Variants in RAB6B observed in about 807,000 individuals in gnomAD.
RAB6B encodes RAB6B, member RAS oncogene family.
Under a neutral mutation model 31.2 loss-of-function variants are expected in RAB6B, and 7 were observed. That is an observed-to-expected ratio of 0.22 (90% CI 0.13 to 0.42). The LOEUF is 0.42. Among genes scored for constraint, RAB6B ranks in the 10% least tolerant of loss-of-function variants. RAB6B has a pLI of 1.00. For synonymous variants in RAB6B, 105 were observed against 104.9 expected (o/e 1.00, Z -0.01); for missense variants, 149 against 280.6 (o/e 0.53, Z 3.35).
chr3:133,864,853 C>T (rs1196123879), intron 1 of RAB6B, among the ~76,000 whole-genome samples: 1 of 152,206 alleles, frequency 6.6e-6, no homozygotes, highest in Non-Finnish European at 1.5e-5. Flanking sequence ...GCTGTTCCTG[C>T]CAGGCACCAG....
intron 6 of RAB6B, among the ~76,000 whole-genome samples, chr3:133,835,115 G>A: frequency 6.6e-6 from 1 of 152,228 alleles, no homozygotes; most frequent in Admixed American, 6.5e-5. Flanking sequence ...GCGAACAGCA[G>A]GGCCAGGGCT....
intron 2 of RAB6B, among the ~76,000 whole-genome samples, chr3:133,853,201 A>G (rs1936026500): frequency 6.6e-6 from 1 of 152,172 alleles, no homozygotes; most frequent in Non-Finnish European, 1.5e-5. Context: ...AGGTCACCAC[A>G]GGCCACAGTG....
intron 1 of RAB6B, among the ~76,000 whole-genome samples, chr3:133,882,268 G>C (rs893194175): frequency 2.6e-5 from 4 of 152,168 alleles, no homozygotes; most frequent in Non-Finnish European, 5.9e-5. Flanking sequence ...TCATGGGAGG[G>C]ACTATCCCAT....
At chr3:133,842,442 A>G (rs1935849639) in intron 2 of RAB6B, among the ~76,000 whole-genome samples, 1 of 152,250 alleles carries the variant, frequency 6.6e-6, no homozygotes, top group South Asian at 2.1e-4. Context: ...GATGCTGTCA[A>G]TGTAAAATGG....
intron 2 of RAB6B, among the ~76,000 whole-genome samples, chr3:133,860,662 A>G (rs1936148013): frequency 6.6e-6 from 1 of 152,118 alleles, no homozygotes; most frequent in African/African-American, 2.4e-5. Flanking sequence ...GGAGGCAGCC[A>G]CTCTGTTCCC....
intron 1 of RAB6B, among the ~76,000 whole-genome samples, chr3:133,878,983 C>T (rs1460165641): frequency 6.6e-6 from 1 of 152,186 alleles, no homozygotes; most frequent in Non-Finnish European, 1.5e-5. Context: ...ATGGGGTCAG[C>T]ATGTGCACTA....
At chr3:133,839,989 C>T (rs1935797764) in intron 4 of RAB6B, among the ~76,000 whole-genome samples, 1 of 149,044 alleles carries the variant, frequency 6.7e-6, no homozygotes. Flanking sequence ...TGTGTGCATA[C>T]ACACACACAC....
chr3:133,857,699 C>T lies in RAB6B; in HGVS notation c.129+6885G>A, dbSNP rs1287132057. 2.0e-5 allele frequency among the ~76,000 whole-genome samples: 3 copies of T among 152,230 alleles called. No homozygotes were observed. The East Asian group carries it at 5.8e-4, about 29-fold the overall frequency. On this transcript the variant is annotated intron_variant, in intron 2 of 7. Coordinates refer to ENST00000285208, the MANE Select transcript of RAB6B (RefSeq NM_016577.4). ...TCTCTCACAGGCTGGCCTGATAGAA[C>T]AGCCATTTGCAAGCATTTTGGCTGT...
chr3:133,877,229 G>C (rs1348395872), intron 1 of RAB6B, among the ~76,000 whole-genome samples: 2 of 152,250 alleles, frequency 1.3e-5, no homozygotes, highest in Non-Finnish European at 2.9e-5. Flanking sequence ...ATACCAGAGA[G>C]AGGGAGATGC....
intron 2 of RAB6B, among the ~76,000 whole-genome samples, chr3:133,861,527 T>C (rs1936161303): frequency 6.6e-6 from 1 of 152,034 alleles, no homozygotes; most frequent in South Asian, 2.1e-4. Context: ...CCCCTCAGGG[T>C]CTCCTGCATG....
At chr3:133,862,244 C>T (rs1410691374) in intron 2 of RAB6B, among the ~76,000 whole-genome samples, 3 of 152,128 alleles carry the variant, frequency 2.0e-5, no homozygotes, top group East Asian at 1.9e-4. Context: ...GTCTAAAACC[C>T]GAGGCCAACT....
intron 2 of RAB6B, among the ~76,000 whole-genome samples, chr3:133,852,684 GC>G (rs35668256): frequency 0.22 from 33,139 of 151,950 alleles, 4,494 homozygotes; most frequent in Middle Eastern, 0.34. Flanking sequence ...TCACCATGTT[GC>G]CCAGGCTGGT....
intron 2 of RAB6B, among the ~76,000 whole-genome samples, chr3:133,853,497 C>G (rs1291553812): frequency 4.6e-5 from 7 of 151,522 alleles, no homozygotes; most frequent in Admixed American, 4.6e-4. Context: ...CCTGTCAATG[C>G]TCCCCAGGAC....
intron 1 of RAB6B, among the ~76,000 whole-genome samples, chr3:133,878,714 A>G (rs1187614541): frequency 6.6e-6 from 1 of 152,264 alleles, no homozygotes; most frequent in Non-Finnish European, 1.5e-5. Flanking sequence ...ATTAGATCAC[A>G]GACCTAAGAA....
intron 2 of RAB6B, among the ~76,000 whole-genome samples, chr3:133,845,767 C>G (rs1423643328): frequency 6.6e-6 from 1 of 151,696 alleles, no homozygotes; most frequent in African/African-American, 2.4e-5. Flanking sequence ...TGTGAAGAAA[C>G]AGAAAATTCA....
At chr3:133,850,054 ACC>A (rs147046551) in intron 2 of RAB6B, among the ~76,000 whole-genome samples, 2 of 152,170 alleles carry the variant, frequency 1.3e-5, no homozygotes, top group African/African-American at 4.8e-5. Flanking sequence ...CAGAGAGGTG[ACC>A]CCAAATTCTC....
chr3:133,834,906 G>T (rs1935711014), intron 6 of RAB6B, among the ~76,000 whole-genome samples: 1 of 152,282 alleles, frequency 6.6e-6, no homozygotes, highest in Non-Finnish European at 1.5e-5. Flanking sequence ...CTGGCCATAG[G>T]GTCACTGGGA....
At position 133,895,845 on chromosome 3, in the gene RAB6B, C is replaced by T; in HGVS notation, c.-379G>A. ...TCTCCAGAGCCGCGCCAGTCGGCCCCCTCCCGCCTGCCTCCTCCGCCGGCG... is the reference window on the plus strand; with the variant it reads ...TCTCCAGAGCCGCGCCAGTCGGCCCTCTCCCGCCTGCCTCCTCCGCCGGCG... On this transcript the variant is annotated 5_prime_UTR_variant, in exon 1 of 8. Coordinates refer to ENST00000285208, the MANE Select transcript of RAB6B (RefSeq NM_016577.4). 1 of 206,584 alleles carries T rather than the reference C, an allele frequency of 4.8e-6. No individual in the cohort carries two copies. The highest frequency in any genetic ancestry group is 9.6e-6 in the Non-Finnish European group (1 of 103,852). The allele number at this position is 206,584 out of a possible 1,614,324, so 12.8% of individuals were successfully genotyped here.
chr3:133,835,702 G>A (rs1400900434), intron 6 of RAB6B, among the ~76,000 whole-genome samples: 1 of 152,084 alleles, frequency 6.6e-6, no homozygotes. Flanking sequence ...AAGAGGTGGG[G>A]CTTTAGGAGG....
Sources: gnomAD v4.1 joint callset for allele counts (sites outside exome capture counted in the v4.1 genomes callset) on GRCh38, gnomAD v4.1.1 for gene constraint, MANE v1.5 for transcripts, NCBI Gene and HGNC (gene_info 2026-07-23, HGNC 2026-07-21) for gene names.